PLCL2: variants seen among roughly 807,000 people sequenced by gnomAD.
The protein encoded by PLCL2 is inactive phospholipase C-like protein 2.
PLCL2 carries 4 observed loss-of-function variants against 79.6 expected under a neutral mutation model. The observed-to-expected ratio is 0.05, with a 90% confidence interval of 0.02 to 0.11. The LOEUF (loss-of-function observed/expected upper bound fraction) is 0.11. Ranked by LOEUF, PLCL2 falls within the 10% of genes least tolerant of loss-of-function variation. The probability of loss-of-function intolerance (pLI) is 1.00; values close to 1 mark genes in which losing one functional copy is unlikely to be tolerated. For synonymous variants in PLCL2, 484 were observed against 457.7 expected, an observed-to-expected ratio of 1.06 and a Z score of -0.73; for missense variants, 895 against 1,291.0, an observed-to-expected ratio of 0.69 and a Z score of 4.70.
At chr3:16,970,838 CT>C (rs1248185114) in intron 1 of PLCL2, among the ~76,000 whole-genome samples, 2,463 of 149,192 alleles carry the variant, frequency 0.017, 66 homozygotes, top group African/African-American at 0.057. Flanking sequence ...TTTCATGTGT[CT>C]TTTGGCTGCA....
chr3:17,070,632 A>T, intron 5 of PLCL2, among the ~76,000 whole-genome samples: 1 of 152,124 alleles, frequency 6.6e-6, no homozygotes, highest in East Asian at 1.9e-4. Context: ...TCACTGGTTT[A>T]AACTTTCTTT....
intron 1 of PLCL2, among the ~76,000 whole-genome samples, chr3:16,991,128 C>T (rs2064100666): frequency 6.6e-6 from 1 of 152,196 alleles, no homozygotes; most frequent in Non-Finnish European, 1.5e-5. Flanking sequence ...GTGCATAACC[C>T]AGTGGGCATC....
At chr3:17,000,483 A>G (rs1450850202) in intron 1 of PLCL2, among the ~76,000 whole-genome samples, 1 of 152,138 alleles carries the variant, frequency 6.6e-6, no homozygotes, top group Non-Finnish European at 1.5e-5. Context: ...GAAATATACA[A>G]TAAAGTATTA....
intron 1 of PLCL2, among the ~76,000 whole-genome samples, chr3:17,004,914 A>T (rs2064245746): frequency 6.6e-6 from 1 of 152,098 alleles, no homozygotes; most frequent in African/African-American, 2.4e-5. Context: ...ATTTCAGATT[A>T]AATAACTTGA....
chr3:16,968,535 G>C (rs1231705899), intron 1 of PLCL2, among the ~76,000 whole-genome samples: 15 of 152,024 alleles, frequency 9.9e-5, no homozygotes. Flanking sequence ...TGTGGCTATT[G>C]TGAATAGGAT....
intron 1 of PLCL2, among the ~76,000 whole-genome samples, chr3:16,907,409 A>G (rs1559482392): frequency 6.6e-6 from 1 of 152,244 alleles, no homozygotes; most frequent in Non-Finnish European, 1.5e-5. Context: ...ACCACCAGAA[A>G]GGCAGCCCAG....
intron 1 of PLCL2, among the ~76,000 whole-genome samples, chr3:16,943,789 A>G (rs554274520): frequency 8.5e-5 from 13 of 152,254 alleles, no homozygotes; most frequent in African/African-American, 3.1e-4. Context: ...TCTTTAAGCT[A>G]TGTTTAGGTT....
intron 1 of PLCL2, among the ~76,000 whole-genome samples, chr3:16,945,387 A>G (rs1275113891): frequency 1.3e-5 from 2 of 152,070 alleles, no homozygotes; most frequent in Non-Finnish European, 2.9e-5. Context: ...GTTTTTTATT[A>G]TAAGTGCCCT....
At chr3:16,993,571 G>A (rs2064125079) in intron 1 of PLCL2, among the ~76,000 whole-genome samples, 1 of 152,172 alleles carries the variant, frequency 6.6e-6, no homozygotes, top group Non-Finnish European at 1.5e-5. Context: ...TTGGAATAAG[G>A]ATAGCATCCT....
chr3:17,034,559 C>G (rs2064621931), intron 3 of PLCL2, among the ~76,000 whole-genome samples: 1 of 152,216 alleles, frequency 6.6e-6, no homozygotes, highest in African/African-American at 2.4e-5. Context: ...ACTATGACTA[C>G]TGTCACGAAT....
chr3:17,087,642 T>C (rs1056244515), intron 5 of PLCL2, among the ~76,000 whole-genome samples: 5 of 152,134 alleles, frequency 3.3e-5, no homozygotes, highest in African/African-American at 1.2e-4. Flanking sequence ...AGCCCTAATT[T>C]AGGCAATAGA....
chr3:17,072,028 T>C (rs1414749500), intron 5 of PLCL2, among the ~76,000 whole-genome samples: 2 of 152,110 alleles, frequency 1.3e-5, no homozygotes, highest in Non-Finnish European at 2.9e-5. Flanking sequence ...GGTTTCACTA[T>C]CTTGGCCAGG....
chr3:16,956,010 T>A (rs1330597968), intron 1 of PLCL2, among the ~76,000 whole-genome samples: 7 of 152,230 alleles, frequency 4.6e-5, no homozygotes, highest in African/African-American at 1.7e-4. Flanking sequence ...CCTAATTGAA[T>A]ACCCTTGATT....
rs776790106 is a variant in PLCL2 at position 17,010,205 on chromosome 3, A to G, written c.859A>G (p.Ile287Val). 6.2e-7 allele frequency: 1 copy of G among 1,614,146 alleles called. No homozygotes were observed. The highest frequency in any genetic ancestry group is 1.7e-5 in the Admixed American group (1 of 60,020). Reference protein sequence around the residue: ...SEIDVDNLGHITLCNAVQCIR... With the variant: ...SEIDVDNLGHVTLCNAVQCIR... ...AATTGATGTAGATAACCTTGGACAT[A>G]TAACTCTGTGTAATGCTGTGCAATG... The change falls in exon 2 of 6, where the codon ATA becomes GTA. Residue 287 changes from isoleucine (I) to valine (V), a missense_variant. Around this residue, in one of 6 missense-constraint regions of PLCL2, gnomAD observed 93 missense variants for 93.2 expected, o/e 1.00. Transcript: ENST00000615277. The surrounding 1 kb of genome is among the most constrained non-coding windows in gnomAD (Gnocchi z 5.8).
At chr3:16,959,727 C>T (rs1004427752) in intron 1 of PLCL2, among the ~76,000 whole-genome samples, 3 of 152,170 alleles carry the variant, frequency 2.0e-5, no homozygotes, top group African/African-American at 7.2e-5. Flanking sequence ...TCGTCAATAC[C>T]ATATCCCATC....
chr3:17,028,065 G>A (rs943264016), intron 3 of PLCL2, among the ~76,000 whole-genome samples: 1 of 152,140 alleles, frequency 6.6e-6, no homozygotes, highest in Admixed American at 6.5e-5. Context: ...TTAAAAATGA[G>A]CCAGTCCAAG....
rs1218269184 is a variant in PLCL2 at position 17,012,128 on chromosome 3, C to T, written c.2782C>T (p.Arg928Trp). ...EVFKNAQPPIRDATDLRENMQ... is the reference protein window; with the variant it reads ...EVFKNAQPPIWDATDLRENMQ... Reference sequence around the variant, plus strand: ...ATTCAAGAATGCCCAGCCCCCTATACGGGATGCCACAGATCTGAGAGAAAA... The same window carrying T: ...ATTCAAGAATGCCCAGCCCCCTATATGGGATGCCACAGATCTGAGAGAAAA... Residue 928 changes from arginine (R) to tryptophan (W), a missense_variant, in exon 2 of 6, where the codon CGG becomes TGG. This residue lies in a region of PLCL2 where 298 missense variants were observed against 459.6 expected (regional missense o/e 0.65). Coordinates refer to ENST00000615277, the MANE Select transcript of PLCL2 (RefSeq NM_001144382.2). 3.7e-6 allele frequency: 6 copies of T among 1,613,354 alleles called. No individual in the cohort carries two copies. The highest frequency in any genetic ancestry group is 5.1e-6 in the Non-Finnish European group (6 of 1,179,346).
At position 17,010,465 on chromosome 3, in the gene PLCL2, G is replaced by A. The variant is rs2124888003; in HGVS notation, c.1119G>A (p.Val373=). The A allele has an allele frequency of 1.9e-6, 3 of 1,614,024 alleles. No homozygotes were observed. The East Asian group carries it at 6.7e-5, about 36-fold the overall frequency. The change falls in exon 2 of 6, where the codon GTG becomes GTA. Residue 373 remains valine (V), a synonymous_variant. Coordinates refer to ENST00000615277, the MANE Select transcript of PLCL2 (RefSeq NM_001144382.2). This position sits in a 1 kb window ranked among gnomAD's most constrained non-coding sequence, Gnocchi z 5.8. ...LMMFLEAEQG[V]AHINEEISLE... Reference sequence around the variant, plus strand: ...TGTTTCTTGAGGCAGAACAGGGTGTGGCACATATAAATGAGGAAATAAGCC... The same window carrying A: ...TGTTTCTTGAGGCAGAACAGGGTGTAGCACATATAAATGAGGAAATAAGCC...
At chr3:16,902,866 G>GTGTA (rs1696659239) in intron 1 of PLCL2, among the ~76,000 whole-genome samples, 1 of 148,340 alleles carries the variant, frequency 6.7e-6, no homozygotes, top group Non-Finnish European at 1.5e-5. Flanking sequence ...GTGTGTGTGT[G>GTGTA]TGTGTGTGTG....
Sources: allele counts gnomAD v4.1 joint callset (sites outside exome capture counted in the v4.1 genomes callset), GRCh38; gene constraint gnomAD v4.1.1; regional missense constraint gnomAD v4.1.1; non-coding constraint Gnocchi (gnomAD v3.1); transcripts MANE v1.5; gene names NCBI Gene and HGNC (gene_info 2026-07-23, HGNC 2026-07-21).